The following PAQR5 variants were observed in gnomAD, a reference collection of about 807,000 sequenced individuals.
PAQR5 encodes membrane progestin receptor gamma.
In PAQR5, 20 loss-of-function variants were observed where a neutral mutation model predicts 34.5. The observed-to-expected ratio is 0.58, with a 90% CI of 0.41 to 0.84. PAQR5 has a LOEUF of 0.84. PAQR5 is among the 40% of genes least tolerant of loss of function. The pLI, the probability that PAQR5 is intolerant of heterozygous loss-of-function variation, is 0.00. For missense variants in PAQR5, 378 were observed against 412.7 expected, an observed-to-expected ratio of 0.92 and a Z score of 0.73; for synonymous variants, 131 against 155.6, an observed-to-expected ratio of 0.84 and a Z score of 1.18.
chr15:69,314,220 G>A (rs899246639), intron 1 of PAQR5, among the ~76,000 whole-genome samples: 4 of 152,184 alleles, frequency 2.6e-5, no homozygotes, highest in South Asian at 2.1e-4. Flanking sequence ...AAAAAAAAAG[G>A]AAATTGTGTG....
At chr15:69,368,474 CT>C (rs1443331150) in intron 3 of PAQR5, among the ~76,000 whole-genome samples, 2 of 152,244 alleles carry the variant, frequency 1.3e-5, no homozygotes, top group African/African-American at 2.4e-5. Context: ...CACCAACTGT[CT>C]ACTTAACCTC....
At chr15:69,391,913 TGGG>T in intron 6 of PAQR5, 1 of 387,632 alleles carries the variant, frequency 2.6e-6, no homozygotes, top group South Asian at 1.9e-5. Context: ...GAAAGTTAGC[TGGG>T]TGTGGTGGCA....
At position 69,352,779 on chromosome 15, in the gene PAQR5, A is replaced by C. The variant is rs960917005; in HGVS notation, c.-115-7187A>C. Among the ~76,000 whole-genome samples the C allele has an allele frequency of 3.3e-5, 5 of 152,236 alleles. No homozygotes were observed. The East Asian group carries it at 9.6e-4, about 29-fold the overall frequency. The stretch of plus-strand genomic sequence containing the variant: ...CCAGATGTATATAGTTTACTGATTC[A>C]TGGGCTGTAGCCAATGGTTTGGCTG... On this transcript the variant is annotated intron_variant, in intron 2 of 8. Transcript: ENST00000395407.
At chr15:69,313,796 G>A (rs533578028) in intron 1 of PAQR5, among the ~76,000 whole-genome samples, 31 of 152,200 alleles carry the variant, frequency 2.0e-4, no homozygotes, top group East Asian at 5.8e-4. Flanking sequence ...CAGGTGAGCC[G>A]CCTAAGAAGG....
At chr15:69,341,375 A>ATTTTTG (rs1212210788) in intron 2 of PAQR5, among the ~76,000 whole-genome samples, 1 of 120,508 alleles carries the variant, frequency 8.3e-6, no homozygotes, top group African/African-American at 3.0e-5. Flanking sequence ...TTTTTTTTAA[A>ATTTTTG]AAATAGGGTC....
At position 69,315,037 on chromosome 15, in the gene PAQR5, G is replaced by A. The variant is rs550027366; in HGVS notation, c.-277+15981G>A. Among the ~76,000 whole-genome samples, 65 of 152,218 alleles carry A rather than the reference G, an allele frequency of 4.3e-4. 1 individual carries two copies. The highest frequency in any genetic ancestry group is 1.5e-3 in the African/African-American group (63 of 41,528). ...CTGGAGGAGCAGTGCAGGAGTGGTC[G>A]TCTCTATTCTCTCAGCCTGGGATGA... On this transcript the variant is annotated intron_variant, in intron 1 of 8. Transcript: ENST00000395407.
chr15:69,303,714 C>T (rs1375861527), intron 1 of PAQR5, among the ~76,000 whole-genome samples: 1 of 152,074 alleles, frequency 6.6e-6, no homozygotes, highest in Admixed American at 6.6e-5. Context: ...TAGGGATAAC[C>T]GACCAGTCTG....
chr15:69,376,053 G>A (rs1430697109), intron 3 of PAQR5, among the ~76,000 whole-genome samples: 1 of 152,178 alleles, frequency 6.6e-6, no homozygotes, highest in Admixed American at 6.5e-5. Flanking sequence ...GGAACTGAAA[G>A]GGAAAACTTG....
At chr15:69,299,256 C>T (rs944116818) in intron 1 of PAQR5, among the ~76,000 whole-genome samples, 200 bp downstream of exon 1, 1 of 152,146 alleles carries the variant, frequency 6.6e-6, no homozygotes, top group African/African-American at 2.4e-5. Context: ...ACTTTCACCG[C>T]ACGCGGGGCC....
chr15:69,383,388 TG>T (rs2055980540), intron 4 of PAQR5, among the ~76,000 whole-genome samples: 1 of 70,490 alleles, frequency 1.4e-5, no homozygotes, highest in African/African-American at 5.5e-5. Flanking sequence ...GGAGGGTGAC[TG>T]GCCCTCTGTG....
chr15:69,321,259 T>C (rs1157492236), intron 1 of PAQR5, among the ~76,000 whole-genome samples: 3 of 152,260 alleles, frequency 2.0e-5, no homozygotes, highest in Non-Finnish European at 4.4e-5. Flanking sequence ...TCAGGGTTTT[T>C]TCTGACATTG....
intron 1 of PAQR5, among the ~76,000 whole-genome samples, chr15:69,314,175 C>G (rs2053890045): frequency 6.6e-6 from 1 of 151,954 alleles, no homozygotes; most frequent in Admixed American, 6.6e-5. Context: ...CTCTCTAGAA[C>G]CTGACTAATC....
chr15:69,325,118 T>C (rs112354514), intron 1 of PAQR5, among the ~76,000 whole-genome samples: 6,231 of 152,122 alleles, frequency 0.041, 265 homozygotes, highest in East Asian at 0.15. Context: ...AGGCTGGTCT[T>C]GAACTCCTGA....
At chr15:69,362,722 G>C (rs2055269382) in intron 3 of PAQR5, among the ~76,000 whole-genome samples, 1 of 152,110 alleles carries the variant, frequency 6.6e-6, no homozygotes, top group Non-Finnish European at 1.5e-5. Flanking sequence ...TAATAATGTT[G>C]GTTGTCATTA....
At chr15:69,363,716 A>G (rs1473574594) in intron 3 of PAQR5, among the ~76,000 whole-genome samples, 4 of 151,730 alleles carry the variant, frequency 2.6e-5, no homozygotes, top group African/African-American at 9.7e-5. Flanking sequence ...CCATGCCCAG[A>G]TACTTTTTGC....
At position 69,404,313 on chromosome 15, in the gene PAQR5, G is replaced by A. The variant is rs1379095624; in HGVS notation, c.*491G>A. ...AGAAAGTTGGTCACTGAGTGCCTTG[G>A]GGACTGGCAAAACATTCCAGAATGA... On this transcript the variant is annotated 3_prime_UTR_variant, in exon 9 of 9. Coordinates refer to ENST00000395407, the MANE Select transcript of PAQR5 (RefSeq NM_017705.4). 6.3e-6 allele frequency: 1 copy of A among 158,846 alleles called. No individual in the cohort carries two copies. The highest frequency in any genetic ancestry group is 1.4e-5 in the Non-Finnish European group (1 of 72,798). 9.8% of individuals were successfully genotyped at this position (158,846 alleles called of 1,614,324 possible).
chr15:69,315,247 C>T (rs1446249839), intron 1 of PAQR5, among the ~76,000 whole-genome samples: 2 of 152,188 alleles, frequency 1.3e-5, no homozygotes, highest in Non-Finnish European at 1.5e-5. Context: ...CTTCTGCTCT[C>T]ATGTGTCCCC....
intron 1 of PAQR5, among the ~76,000 whole-genome samples, chr15:69,313,576 A>G (rs1471730411): frequency 1.3e-5 from 2 of 152,206 alleles, no homozygotes; most frequent in Admixed American, 6.5e-5. Flanking sequence ...TTGGCAGAGA[A>G]GATTTCTTGA....
chr15:69,322,461 C>A (rs1180757290), intron 1 of PAQR5, among the ~76,000 whole-genome samples: 1 of 148,052 alleles, frequency 6.8e-6, no homozygotes, highest in African/African-American at 2.5e-5. Context: ...AGAGGGAGAC[C>A]CCGTCTCAAA....
Sources: gnomAD v4.1 joint callset for allele counts (sites outside exome capture counted in the v4.1 genomes callset) on GRCh38, gnomAD v4.1.1 for gene constraint, MANE v1.5 for transcripts, NCBI Gene and HGNC (gene_info 2026-07-23, HGNC 2026-07-21) for gene names.